ITIH5: variants seen among roughly 807,000 people sequenced by gnomAD.
ITIH5 encodes inter-alpha-trypsin inhibitor heavy chain 5.
Under a neutral mutation model 77.5 loss-of-function variants are expected in ITIH5, and 65 were observed. That is an observed-to-expected ratio of 0.84 (90% CI 0.69 to 1.03). The LOEUF is 1.03. ITIH5 is among the 50% of genes least tolerant of loss of function. ITIH5 has a pLI of 0.00. For synonymous variants in ITIH5, 525 were observed against 494.3 expected (o/e 1.06, Z -0.82); for missense variants, 1,208 against 1,213.1 (o/e 1.00, Z 0.06).
intron 3 of ITIH5, among the ~76,000 whole-genome samples, chr10:7,641,192 A>G (rs959572380): frequency 9.2e-5 from 14 of 152,102 alleles, no homozygotes; most frequent in African/African-American, 3.1e-4. Flanking sequence ...ACATATCTTT[A>G]CTTCTTGGCT....
intron 7 of ITIH5, among the ~76,000 whole-genome samples, chr10:7,601,263 A>C (rs1682812668): frequency 6.6e-6 from 1 of 152,164 alleles, no homozygotes. Context: ...TAAAACAGTG[A>C]CTGTGAGAAC....
At chr10:7,598,651 C>CT (rs1465897646) in intron 7 of ITIH5, among the ~76,000 whole-genome samples, 1 of 152,120 alleles carries the variant, frequency 6.6e-6, no homozygotes, top group Non-Finnish European at 1.5e-5. Context: ...TATCGCAACT[C>CT]TGATTCAAAA....
chr10:7,624,938 G>T (rs1833552031), intron 5 of ITIH5, among the ~76,000 whole-genome samples: 1 of 135,752 alleles, frequency 7.4e-6, no homozygotes, highest in Non-Finnish European at 1.6e-5. Context: ...ATCCCTTTCT[G>T]CCATCACGTG....
At chr10:7,643,862 G>A (rs1833926243) in intron 2 of ITIH5, among the ~76,000 whole-genome samples, 1 of 152,188 alleles carries the variant, frequency 6.6e-6, no homozygotes, top group Non-Finnish European at 1.5e-5. Context: ...CACTCAAAAT[G>A]TTTGCGTGAA....
chr10:7,584,039 G>A (rs146032045), intron 8 of ITIH5, among the ~76,000 whole-genome samples: 3 of 152,278 alleles, frequency 2.0e-5, no homozygotes, highest in East Asian at 1.9e-4. Context: ...TCCTGGTAAC[G>A]ATTCCATTGT....
rs1171101429 is a variant in ITIH5 at position 7,581,867 on chromosome 10, T to C, written c.1109-1803A>G. On this transcript the variant is annotated intron_variant, in intron 8 of 13. Coordinates refer to ENST00000397146, the MANE Select transcript of ITIH5 (RefSeq NM_030569.7). ...ATGAGCCACCATGCCCGGCCACCCA[T>C]GTATTTTTTTTTTTTTTTTTTTTTT... Among the ~76,000 whole-genome samples the C allele has an allele frequency of 5.7e-5, 7 of 121,874 alleles. No homozygotes were observed. In the East Asian group the frequency reaches 1.8e-3, roughly 31 times the overall value. The allele number at this position is 121,874 out of a possible 152,430, so 80.0% of individuals were successfully genotyped here.
intron 5 of ITIH5, among the ~76,000 whole-genome samples, chr10:7,624,908 T>C (rs1293491514): frequency 4.9e-5 from 6 of 122,480 alleles, no homozygotes; most frequent in South Asian, 2.4e-4. Flanking sequence ...TACATACATA[T>C]ATATATATAT....
intron 7 of ITIH5, among the ~76,000 whole-genome samples, chr10:7,597,539 GTCCCAA>G (rs1832929500): frequency 7.1e-6 from 1 of 141,014 alleles, no homozygotes; most frequent in Non-Finnish European, 1.6e-5. Flanking sequence ...ACACAGCATG[GTCCCAA>G]GTCACCTTGG....
intron 4 of ITIH5, among the ~76,000 whole-genome samples, chr10:7,638,322 C>A (rs1369546191): frequency 6.6e-6 from 1 of 152,162 alleles, no homozygotes; most frequent in East Asian, 1.9e-4. Context: ...ACTCCTCCTT[C>A]CCAGAACTGG....
intron 5 of ITIH5, among the ~76,000 whole-genome samples, chr10:7,627,827 C>CTTTTTTTTTTTTTTTT (rs869139058): frequency 1.1e-5 from 1 of 90,804 alleles, no homozygotes; most frequent in East Asian, 3.7e-4. Context: ...TGAAATTAAC[C>CTTTTTTTTTTTTTTTT]TTTTTTTTTT....
At chr10:7,644,548 G>GATATATATCACATAT (rs371123189) in intron 2 of ITIH5, among the ~76,000 whole-genome samples, 1 of 61,948 alleles carries the variant, frequency 1.6e-5, no homozygotes, top group Admixed American at 2.0e-4. Context: ...ACATATATAT[G>GATATATATCACATAT]ATATATCACA....
At chr10:7,641,259 C>G (rs1385735030) in intron 3 of ITIH5, among the ~76,000 whole-genome samples, 1 of 152,168 alleles carries the variant, frequency 6.6e-6, no homozygotes, top group Admixed American at 6.5e-5. Flanking sequence ...ACTGCCTTGT[C>G]TTTCAACCCT....
chr10:7,570,933 C>T (rs1482802123), intron 11 of ITIH5, among the ~76,000 whole-genome samples: 2 of 152,178 alleles, frequency 1.3e-5, no homozygotes, highest in African/African-American at 4.8e-5. Context: ...CAACTTGTTT[C>T]TCAAATGCCC....
chr10:7,656,901 G>A lies in ITIH5; in HGVS notation c.91-1226C>T, dbSNP rs183574935. On this transcript the variant is annotated intron_variant, in intron 1 of 13. Transcript: ENST00000397146. ...TGGGATTACAGGTGCCTGCCACTACGCCCCGCTAATTTTTGTATTTTTAGT... is the reference window on the plus strand; with the variant it reads ...TGGGATTACAGGTGCCTGCCACTACACCCCGCTAATTTTTGTATTTTTAGT... Among the ~76,000 whole-genome samples, 234 of 151,584 alleles carry A rather than the reference G, an allele frequency of 1.5e-3. 3 individuals carry two copies. Among genetic ancestry groups the A allele is most frequent in the African/African-American group, 5.1e-3 (209 of 41,314 alleles).
intron 1 of ITIH5, among the ~76,000 whole-genome samples, chr10:7,657,076 G>T (rs57800350): frequency 0.49 from 57,403 of 117,864 alleles, 12,792 homozygotes; most frequent in Middle Eastern, 0.61. Context: ...ACGGAGTCTT[G>T]TTCTGTTGCC....
chr10:7,589,329 A>G (rs1219083584), intron 7 of ITIH5, among the ~76,000 whole-genome samples: 1 of 152,048 alleles, frequency 6.6e-6, no homozygotes, highest in Non-Finnish European at 1.5e-5. Flanking sequence ...GCATGGTGGC[A>G]CGCGCCTGTA....
chr10:7,662,382 G>GAGAAA (rs1229210853), intron 1 of ITIH5, among the ~76,000 whole-genome samples: 1 of 151,950 alleles, frequency 6.6e-6, no homozygotes, highest in Non-Finnish European at 1.5e-5. Context: ...GAGACAGACA[G>GAGAAA]AGAAAAGAAA....
intron 5 of ITIH5, among the ~76,000 whole-genome samples, chr10:7,624,144 G>A (rs1317592133): frequency 1.3e-5 from 2 of 152,152 alleles, no homozygotes; most frequent in Non-Finnish European, 2.9e-5. Flanking sequence ...TCCCAAGAGA[G>A]ACTATGTGTG....
intron 8 of ITIH5, among the ~76,000 whole-genome samples, chr10:7,581,316 G>A (rs1353712140): frequency 3.3e-5 from 5 of 151,946 alleles, no homozygotes; most frequent in African/African-American, 4.8e-5. Context: ...AGTTGGGGGC[G>A]AAAGGGAAGA....
Sources: gnomAD v4.1 joint callset for allele counts (sites outside exome capture counted in the v4.1 genomes callset) on GRCh38, gnomAD v4.1.1 for gene constraint, MANE v1.5 for transcripts, NCBI Gene and HGNC (gene_info 2026-07-23, HGNC 2026-07-21) for gene names.